GABRG3: variants seen among roughly 807,000 people sequenced by gnomAD.
The protein encoded by GABRG3 is gamma-aminobutyric acid type A receptor subunit gamma3.
Under a neutral mutation model 48.8 loss-of-function variants are expected in GABRG3, and 25 were observed. The ratio of observed to expected loss-of-function variants is 0.51; its 90% CI spans 0.37 to 0.72. The LOEUF (loss-of-function observed/expected upper bound fraction) is 0.72, where lower values mean the gene tolerates loss of function less well. GABRG3 is among the 30% of genes least tolerant of loss of function. The probability of loss-of-function intolerance (pLI) is 0.00; values close to 1 mark genes in which losing one functional copy is unlikely to be tolerated. For synonymous variants in GABRG3, 227 were observed against 217.6 expected (o/e 1.04, Z -0.38); for missense variants, 394 against 577.9 (o/e 0.68, Z 3.26).
chr15:27,385,346 T>G (rs1041867835), intron 5 of GABRG3, among the ~76,000 whole-genome samples: 2 of 112,736 alleles, frequency 1.8e-5, no homozygotes, highest in Admixed American at 9.1e-5. Context: ...TGTCTAGGTG[T>G]GGATTGCATT....
At chr15:27,479,275 T>C (rs1890037965) in intron 5 of GABRG3, among the ~76,000 whole-genome samples, 1 of 152,210 alleles carries the variant, frequency 6.6e-6, no homozygotes, top group South Asian at 2.1e-4. Context: ...TAGGAAGCAA[T>C]TGGGACATGG....
chr15:27,358,273 A>G lies in GABRG3; in HGVS notation c.574+29385A>G, dbSNP rs79009836. ...CCATAGTTTGTTGCTCTTACGAGTG[A>G]AAATGCTATTTCATACACGAAGCTT... On this transcript the variant is annotated intron_variant, in intron 5 of 9. Transcript: ENST00000615808. 5.6e-3 allele frequency among the ~76,000 whole-genome samples: 858 copies of G among 152,314 alleles called. 10 individuals are homozygous for G. Among genetic ancestry groups the G allele is most frequent in the African/African-American group, 0.019 (809 of 41,566 alleles).
At chr15:27,232,964 G>A (rs765489751) in intron 3 of GABRG3, among the ~76,000 whole-genome samples, 2 of 152,184 alleles carry the variant, frequency 1.3e-5, no homozygotes, top group Admixed American at 1.3e-4. Context: ...GGACTGCCAG[G>A]AAGCACAGCC....
intron 6 of GABRG3, among the ~76,000 whole-genome samples, chr15:27,506,784 C>G (rs1013227928): frequency 6.6e-6 from 1 of 151,494 alleles, no homozygotes; most frequent in African/African-American, 2.4e-5. Context: ...GAAAAAGCAA[C>G]TTTTGGGTTT....
chr15:26,975,350 A>T lies in GABRG3; in HGVS notation c.54-1652A>T, dbSNP rs2140632337. Among the ~76,000 whole-genome samples, 1 of 152,322 alleles carries T rather than the reference A, an allele frequency of 6.6e-6. No individual in the cohort carries two copies. The highest frequency in any genetic ancestry group is 1.5e-5 in the Non-Finnish European group (1 of 68,020). ...TGCATAAAAATCAACAGCAATTTAT[A>T]GTTTCTATGGATGATTCAATTTAAC... On this transcript the variant is annotated intron_variant, in intron 1 of 9. Coordinates refer to ENST00000615808, the MANE Select transcript of GABRG3 (RefSeq NM_033223.5). The surrounding 1 kb of genome is among the most constrained non-coding windows in gnomAD (Gnocchi z 4.6).
intron 3 of GABRG3, among the ~76,000 whole-genome samples, chr15:27,300,514 A>C (rs1282815559): frequency 6.6e-6 from 1 of 151,966 alleles, no homozygotes; most frequent in African/African-American, 2.4e-5. Context: ...AAATACAAAA[A>C]TTAGTGCTGA....
chr15:26,972,134 C>T (rs1331235368), intron 1 of GABRG3, among the ~76,000 whole-genome samples: 1 of 152,010 alleles, frequency 6.6e-6, no homozygotes, highest in Non-Finnish European at 1.5e-5. Flanking sequence ...GACTCCCCTC[C>T]CAGGTCCTGC....
At chr15:27,318,683 A>G (rs575303928) in intron 3 of GABRG3, among the ~76,000 whole-genome samples, 1 of 152,236 alleles carries the variant, frequency 6.6e-6, no homozygotes, top group East Asian at 1.9e-4. Context: ...GATGTTTGCA[A>G]TATGTCCCCT....
chr15:27,308,071 T>C (rs1227950173), intron 3 of GABRG3, among the ~76,000 whole-genome samples: 1 of 132,956 alleles, frequency 7.5e-6, no homozygotes, highest in Non-Finnish European at 1.6e-5. Flanking sequence ...TATAAACATA[T>C]ATGTTTATAC....
chr15:27,149,942 A>G (rs1898279991), intron 3 of GABRG3, among the ~76,000 whole-genome samples: 1 of 152,242 alleles, frequency 6.6e-6, no homozygotes, highest in Non-Finnish European at 1.5e-5. Context: ...AATACTAAGC[A>G]GACATTTATT....
intron 3 of GABRG3, among the ~76,000 whole-genome samples, chr15:27,257,589 A>G (rs1302384533): frequency 6.6e-6 from 1 of 152,180 alleles, no homozygotes; most frequent in African/African-American, 2.4e-5. Context: ...TATTCTTTGC[A>G]TGGGGATATT....
intron 2 of GABRG3, among the ~76,000 whole-genome samples, chr15:27,024,405 G>A (rs573618861): frequency 2.2e-4 from 33 of 152,262 alleles, no homozygotes; most frequent in African/African-American, 7.2e-4. Context: ...GCTTTCCGCC[G>A]TGTTTTCTTC....
In GABRG3 at chr15:27,468,859, T is replaced by TA. The variant is rs924061732; in HGVS notation, c.575-11783dup. On this transcript the variant is annotated intron_variant, in intron 5 of 9. Coordinates refer to ENST00000615808, the MANE Select transcript of GABRG3 (RefSeq NM_033223.5). ...ATGCTGTGGTTGTTAATATCTGCAG[T>TA]AAAAAAAATCTTCTATTCATGAAAT... Among the ~76,000 whole-genome samples, 15 of 152,188 alleles carry TA rather than the reference T, an allele frequency of 9.9e-5. No individual in the cohort carries two copies. The South Asian group carries it at 1.7e-3, about 17-fold the overall frequency.
chr15:26,989,638 A>G (rs935060537), intron 2 of GABRG3, among the ~76,000 whole-genome samples: 1 of 152,166 alleles, frequency 6.6e-6, no homozygotes, highest in Non-Finnish European at 1.5e-5. Context: ...CAATTCAGCT[A>G]TATGCTTTTA....
chr15:27,439,992 G>T (rs963614149), intron 5 of GABRG3, among the ~76,000 whole-genome samples: 1 of 152,132 alleles, frequency 6.6e-6, no homozygotes, highest in Non-Finnish European at 1.5e-5. Context: ...TGTGGCCTAT[G>T]TGCACATCCC....
chr15:27,307,047 G>C (rs1892575831), intron 3 of GABRG3, among the ~76,000 whole-genome samples: 1 of 115,568 alleles, frequency 8.7e-6, no homozygotes, highest in African/African-American at 3.8e-5. Flanking sequence ...AAATAAACAT[G>C]TTTATATATA....
intron 5 of GABRG3, among the ~76,000 whole-genome samples, chr15:27,375,620 C>A (rs1895569836): frequency 6.6e-6 from 1 of 152,162 alleles, no homozygotes; most frequent in Admixed American, 6.5e-5. Context: ...GTGAAAGGCA[C>A]ATCTTGCATA....
intron 5 of GABRG3, among the ~76,000 whole-genome samples, chr15:27,468,500 T>C (rs1223399462): frequency 6.6e-6 from 1 of 152,116 alleles, no homozygotes; most frequent in African/African-American, 2.4e-5. Flanking sequence ...TGGATCCAGT[T>C]GGTCTTAGCC....
chr15:27,482,902 T>C (rs1033931447), intron 6 of GABRG3: 1 of 152,248 alleles, frequency 6.6e-6, no homozygotes, highest in Non-Finnish European at 1.5e-5. Context: ...CTTCTCACTG[T>C]GGCCACTCTG....
Sources: gnomAD v4.1 joint callset for allele counts (sites outside exome capture counted in the v4.1 genomes callset) on GRCh38, gnomAD v4.1.1 for gene constraint, Gnocchi (gnomAD v3.1) non-coding constraint, MANE v1.5 for transcripts, NCBI Gene and HGNC (gene_info 2026-07-23, HGNC 2026-07-21) for gene names.